ATP8B1: variants seen among roughly 807,000 people sequenced by gnomAD.
The protein encoded by ATP8B1 is ATPase phospholipid transporting 8B1, also known as phospholipid-transporting ATPase IC.
A neutral mutation model predicts 149.9 loss-of-function variants in ATP8B1; 80 were observed. That is an observed-to-expected ratio of 0.53 (90% CI 0.45 to 0.64). The LOEUF is 0.64. ATP8B1 is among the 30% of genes least tolerant of loss of function. The probability of loss-of-function intolerance (pLI) is 0.00; values close to 1 mark genes in which losing one functional copy is unlikely to be tolerated. For synonymous variants in ATP8B1, 536 were observed against 562.8 expected (o/e 0.95, Z 0.67); for missense variants, 1,247 against 1,552.6 (o/e 0.80, Z 3.31).
intron 2 of ATP8B1, chr18:57,731,414 A>G: frequency 1.9e-6 from 1 of 520,568 alleles, no homozygotes. Flanking sequence ...TTCTCTGCAG[A>G]ACTTGTCAGA....
intron 11 of ATP8B1, 87 bp downstream of exon 11, chr18:57,694,495 A>C (rs902767020): frequency 1.9e-5 from 18 of 947,808 alleles, no homozygotes; most frequent in Non-Finnish European, 2.8e-5. Context: ...TAAAGAGGTA[A>C]GATTTTGTAT....
intron 6 of ATP8B1, 40 bp downstream of exon 6, chr18:57,700,999 A>T: frequency 6.4e-7 from 1 of 1,561,286 alleles, no homozygotes. Flanking sequence ...AGAGTTATGC[A>T]TTACATCCTT....
At chr18:57,714,775 A>G (rs570158290) in intron 2 of ATP8B1, among the ~76,000 whole-genome samples, 1 of 152,236 alleles carries the variant, frequency 6.6e-6, no homozygotes, top group African/African-American at 2.4e-5. Flanking sequence ...GGGTTCAATC[A>G]TAATATCCAA....
At chr18:57,665,510 C>G (rs1910792423) in intron 20 of ATP8B1, among the ~76,000 whole-genome samples, 1 of 152,086 alleles carries the variant, frequency 6.6e-6, no homozygotes, top group Non-Finnish European at 1.5e-5. Flanking sequence ...AAGCCCAAAA[C>G]TACTAAAGTA....
At position 57,653,974 on chromosome 18, in the gene ATP8B1, C is replaced by T; in HGVS notation, c.3015+18G>A. On this transcript the variant is annotated intron_variant, in intron 24 of 27. Transcript: ENST00000648908. ...TCTCATCTGTCCAGAAGTGTCCCTG[C>T]TTGTGCGAGGCTCCTACCTGGTCGA... 1 of 1,602,520 alleles carries T rather than the reference C, an allele frequency of 6.2e-7. No homozygotes were observed. Among genetic ancestry groups the T allele is most frequent in the Non-Finnish European group, 8.6e-7 (1 of 1,169,542 alleles).
chr18:57,661,387 TTTC>T lies in ATP8B1; in HGVS notation c.2491_2493del (p.Glu831del), dbSNP rs1301659302. 7 of 1,613,902 alleles carry T rather than the reference TTTC, an allele frequency of 4.3e-6. No individual in the cohort carries two copies. The highest frequency in any genetic ancestry group is 1.7e-5 in the Admixed American group (1 of 59,974). The stretch of plus-strand genomic sequence containing the variant: ...CTTTTACTTTGGGTCCGCATCCGTC[TTTC>T]TTCTTCTGTTCTTGGGAACTTCAGC... On this transcript the variant is annotated inframe_deletion, in exon 22 of 28. Transcript: ENST00000648908.
At chr18:57,653,859 T>C in intron 24 of ATP8B1, 133 bp downstream of exon 24, 1 of 881,508 alleles carries the variant, frequency 1.1e-6, no homozygotes, top group Non-Finnish European at 1.8e-6. Context: ...CCTTGATGCC[T>C]GACAACAGAA....
At chr18:57,672,141 A>G (rs920099190) in intron 16 of ATP8B1, among the ~76,000 whole-genome samples, 1 of 152,176 alleles carries the variant, frequency 6.6e-6, no homozygotes, top group African/African-American at 2.4e-5. Flanking sequence ...TATTCTTCCA[A>G]CAAATATTTA....
At chr18:57,669,195 C>T (rs1380928359) in intron 18 of ATP8B1, 123 bp downstream of exon 18, 10 of 1,008,306 alleles carry the variant, frequency 9.9e-6, no homozygotes, top group South Asian at 1.9e-5. Flanking sequence ...TCCATTGTGC[C>T]AGTGTCAAAT....
chr18:57,762,541 A>C (rs1300331840), intron 1 of ATP8B1, among the ~76,000 whole-genome samples: 5 of 152,198 alleles, frequency 3.3e-5, no homozygotes, highest in Non-Finnish European at 7.3e-5. Context: ...GTATAGTGAC[A>C]CACATGGTAC....
rs376611299 is a variant in ATP8B1 at position 57,778,989 on chromosome 18, C to T, written c.-26+24009G>A. Among the ~76,000 whole-genome samples, 14 of 152,176 alleles carry T rather than the reference C, an allele frequency of 9.2e-5. 2 individuals are homozygous for T. The highest frequency in any genetic ancestry group is 8.5e-4 in the Admixed American group (13 of 15,270). On this transcript the variant is annotated intron_variant, in intron 1 of 27. Coordinates refer to ENST00000648908, the MANE Select transcript of ATP8B1 (RefSeq NM_001374385.1). ...TATTTTAGAAAGGTTCCAAATTTGG[C>T]CAAAAGTAGCTTAAGAAGGCTTTTA...
In ATP8B1 at chr18:57,697,828, G is replaced by A. The variant is rs780907719; in HGVS notation, c.594C>T (p.Asp198=). 1.3e-5 allele frequency: 21 copies of A among 1,613,750 alleles called. No individual in the cohort carries two copies. The highest frequency in any genetic ancestry group is 5.0e-5 in the Admixed American group (3 of 59,962). Reference sequence around the variant, plus strand: ...AATCATTTTTTTTCAGACGAATGACGTCTCCAACTTGAATTTCTTTCCACT... The same window carrying A: ...AATCATTTTTTTTCAGACGAATGACATCTCCAACTTGAATTTCTTTCCACT... ...VAKWKEIQVG[D]VIRLKKNDFV... is the part of the protein sequence containing the mutation. The change falls in exon 7 of 28, where the codon GAC becomes GAT. Residue 198 remains aspartate, a synonymous_variant. Coordinates refer to ENST00000648908, the MANE Select transcript of ATP8B1 (RefSeq NM_001374385.1).
At chr18:57,732,396 TA>T (rs1449687001) in intron 1 of ATP8B1, among the ~76,000 whole-genome samples, 3 of 149,306 alleles carry the variant, frequency 2.0e-5, no homozygotes, top group Non-Finnish European at 4.4e-5. Context: ...TATTTCAAAT[TA>T]GGGGGTCTCA....
intron 2 of ATP8B1, among the ~76,000 whole-genome samples, chr18:57,724,636 CTT>C (rs2079685900): frequency 6.7e-6 from 1 of 148,390 alleles, no homozygotes; most frequent in South Asian, 2.2e-4. Flanking sequence ...AATAGGAACA[CTT>C]TTACACTGTT....
intron 2 of ATP8B1, among the ~76,000 whole-genome samples, chr18:57,729,864 T>C (rs2079743852): frequency 6.6e-6 from 1 of 151,898 alleles, no homozygotes; most frequent in African/African-American, 2.4e-5. Flanking sequence ...AATTTCACTT[T>C]AATTTTGGTC....
rs183894140 is a variant in ATP8B1, at chr18:57,754,346, G to A, written c.-25-22514C>T. 2.1e-3 allele frequency among the ~76,000 whole-genome samples: 318 copies of A among 152,150 alleles called. 1 individual carries two copies. Among genetic ancestry groups the A allele is most frequent in the African/African-American group, 7.1e-3 (296 of 41,492 alleles). On this transcript the variant is annotated intron_variant, in intron 1 of 27. Coordinates refer to ENST00000648908, the MANE Select transcript of ATP8B1 (RefSeq NM_001374385.1). ...CCAGCTACTCAGGAGGCTGAGGCAG[G>A]AGAATTGCTTGAACCTGGGAGGCGG...
At chr18:57,692,563 G>T (rs1912595461) in intron 11 of ATP8B1, among the ~76,000 whole-genome samples, 1 of 149,974 alleles carries the variant, frequency 6.7e-6, no homozygotes, top group Non-Finnish European at 1.5e-5. Flanking sequence ...AGCCTCCTGA[G>T]TAGCTGGGAT....
chr18:57,665,378 T>C (rs1910782949), intron 20 of ATP8B1, among the ~76,000 whole-genome samples: 1 of 152,122 alleles, frequency 6.6e-6, no homozygotes. Context: ...TGCATACATT[T>C]TATCTTTTAC....
At chr18:57,729,048 C>T (rs948000989) in intron 2 of ATP8B1, among the ~76,000 whole-genome samples, 1 of 151,868 alleles carries the variant, frequency 6.6e-6, no homozygotes, top group African/African-American at 2.4e-5. Context: ...TGCCCATATA[C>T]CGAGGGTAGA....
Sources: gnomAD v4.1 joint callset for allele counts (sites outside exome capture counted in the v4.1 genomes callset) on GRCh38, gnomAD v4.1.1 for gene constraint, MANE v1.5 for transcripts, NCBI Gene and HGNC (gene_info 2026-07-23, HGNC 2026-07-21) for gene names.